UST: variants seen among roughly 807,000 people sequenced by gnomAD.
UST encodes chondroitin sulfate 2-O-sulfotransferase.
Under a neutral mutation model 45.6 loss-of-function variants are expected in UST, and 21 were observed. The ratio of observed to expected loss-of-function variants is 0.46; its 90% CI spans 0.33 to 0.66. The LOEUF is 0.66. Ranked by LOEUF, UST falls within the 30% of genes least tolerant of loss-of-function variation. The pLI is 0.02. For synonymous variants in UST, 215 were observed against 200.6 expected (o/e 1.07, Z -0.61); for missense variants, 463 against 512.4 (o/e 0.90, Z 0.93).
At chr6:149,040,371 T>C (rs774456720) in intron 7 of UST, among the ~76,000 whole-genome samples, 1 of 152,088 alleles carries the variant, frequency 6.6e-6, no homozygotes, top group African/African-American at 2.4e-5. Context: ...AAAAATAAAA[T>C]TGTAGGCCGG....
chr6:148,796,203 A>G (rs1239959816), intron 1 of UST, among the ~76,000 whole-genome samples: 3 of 152,238 alleles, frequency 2.0e-5, no homozygotes, highest in Non-Finnish European at 4.4e-5. Context: ...CAGTATATTT[A>G]TCCATACACC....
chr6:148,976,547 A>G (rs1210502046), intron 5 of UST, among the ~76,000 whole-genome samples: 9 of 152,284 alleles, frequency 5.9e-5, no homozygotes, highest in Middle Eastern at 3.4e-3. Flanking sequence ...TCCGCCCTTC[A>G]CCTGCACACC....
At chr6:148,997,799 T>C (rs1781480139) in intron 5 of UST, among the ~76,000 whole-genome samples, 1 of 152,220 alleles carries the variant, frequency 6.6e-6, no homozygotes, top group Non-Finnish European at 1.5e-5. Context: ...TACTAGGATC[T>C]TGAGAAACCG....
At chr6:148,987,584 C>T (rs762867174) in intron 5 of UST, among the ~76,000 whole-genome samples, 5 of 152,298 alleles carry the variant, frequency 3.3e-5, no homozygotes, top group Middle Eastern at 3.4e-3. Context: ...ATGAAAAGAA[C>T]GCTTGCCTTC....
At chr6:148,982,869 T>C (rs1204599820) in intron 5 of UST, among the ~76,000 whole-genome samples, 1 of 152,216 alleles carries the variant, frequency 6.6e-6, no homozygotes, top group Non-Finnish European at 1.5e-5. Flanking sequence ...TCTTCTAAAC[T>C]GGGGCAAGAT....
intron 7 of UST, among the ~76,000 whole-genome samples, chr6:149,065,889 A>G (rs1218223629): frequency 6.6e-6 from 1 of 152,200 alleles, no homozygotes; most frequent in Non-Finnish European, 1.5e-5. Context: ...AAGGTCAAAA[A>G]AGCTGTCATT....
At chr6:148,993,014 A>G in intron 5 of UST, 1 of 985,462 alleles carries the variant, frequency 1.0e-6, no homozygotes, top group Non-Finnish European at 1.2e-6. Context: ...ATTCAAGGCT[A>G]ATAACCACTT....
intron 3 of UST, among the ~76,000 whole-genome samples, chr6:148,947,359 T>A (rs1780266489): frequency 6.6e-6 from 1 of 152,232 alleles, no homozygotes; most frequent in Admixed American, 6.5e-5. Context: ...CAAAATCTGC[T>A]GGGGAGCGTT....
At chr6:148,786,301 A>G (rs1476261808) in intron 1 of UST, among the ~76,000 whole-genome samples, 1 of 152,146 alleles carries the variant, frequency 6.6e-6, no homozygotes, top group Non-Finnish European at 1.5e-5. Context: ...AACATGTCCC[A>G]TGGTGGTTTA....
intron 1 of UST, among the ~76,000 whole-genome samples, chr6:148,843,871 A>G (rs1777932857): frequency 6.6e-6 from 1 of 152,176 alleles, no homozygotes; most frequent in Non-Finnish European, 1.5e-5. Flanking sequence ...CACTTAGCAT[A>G]ATGTTCTGCA....
At chr6:148,785,751 T>C (rs1387840406) in intron 1 of UST, among the ~76,000 whole-genome samples, 1 of 152,200 alleles carries the variant, frequency 6.6e-6, no homozygotes, top group East Asian at 1.9e-4. Flanking sequence ...AACACTTGAA[T>C]AGTATAAGAT....
Position 149,023,149 on chromosome 6 carries a change from TGG to T in UST, c.937+1669_937+1670del, listed in dbSNP as rs1491114195. On this transcript the variant is annotated intron_variant, in intron 7 of 7. Coordinates refer to ENST00000367463, the MANE Select transcript of UST (RefSeq NM_005715.3). Reference sequence around the variant, plus strand: ...GTGTGTGTGTGTGTGTGTGTGTGTGTGGTGTGGTGTGGTGTGTGGTGTGTGTG... The same window carrying T: ...GTGTGTGTGTGTGTGTGTGTGTGTGTTGTGGTGTGGTGTGTGGTGTGTGTG... Among the ~76,000 whole-genome samples the T allele has an allele frequency of 1.4e-4, 19 of 135,736 alleles. No homozygotes were observed. In the South Asian group the frequency reaches 4.6e-3, roughly 33 times the overall value. 89.0% of individuals were successfully genotyped at this position (135,736 alleles called of 152,430 possible).
chr6:148,907,479 A>G (rs981152205), intron 2 of UST, among the ~76,000 whole-genome samples: 4 of 152,200 alleles, frequency 2.6e-5, no homozygotes, highest in Non-Finnish European at 5.9e-5. Context: ...TTTGACATTC[A>G]TAATTCAGAA....
At chr6:149,005,654 G>A (rs1582955330) in intron 5 of UST, 22 of 971,246 alleles carry the variant, frequency 2.3e-5, no homozygotes, top group Non-Finnish European at 2.6e-5. Flanking sequence ...TTTCTTAAAG[G>A]ACTGATTTCC....
chr6:148,841,058 C>A (rs865968210), intron 1 of UST, among the ~76,000 whole-genome samples: 1,355 of 106,770 alleles, frequency 0.013, 19 homozygotes, highest in African/African-American at 0.042. Flanking sequence ...AAAAAAAAAA[C>A]CCAACAAAAA....
At chr6:148,969,662 C>A (rs565245774) in intron 5 of UST, among the ~76,000 whole-genome samples, 1 of 152,146 alleles carries the variant, frequency 6.6e-6, no homozygotes, top group Non-Finnish European at 1.5e-5. Context: ...CCTAAAGGGG[C>A]CATTTTTCCT....
intron 5 of UST, among the ~76,000 whole-genome samples, chr6:149,017,817 C>G (rs1346837700): frequency 6.6e-6 from 1 of 151,424 alleles, no homozygotes; most frequent in African/African-American, 2.4e-5. Flanking sequence ...CACACACACA[C>G]ACACACACAC....
chr6:148,827,321 T>C (rs983336937), intron 1 of UST, among the ~76,000 whole-genome samples: 5 of 152,066 alleles, frequency 3.3e-5, no homozygotes, highest in African/African-American at 1.2e-4. Flanking sequence ...TAGCCTTTCA[T>C]TGAAAAAAGA....
chr6:148,902,615 G>C (rs1319719003), intron 2 of UST, among the ~76,000 whole-genome samples: 1 of 152,054 alleles, frequency 6.6e-6, no homozygotes, highest in Non-Finnish European at 1.5e-5. Flanking sequence ...CTGGCCTTCA[G>C]TCATCCTCCT....
Sources: gnomAD v4.1 joint callset for allele counts (sites outside exome capture counted in the v4.1 genomes callset) on GRCh38, gnomAD v4.1.1 for gene constraint, MANE v1.5 for transcripts, NCBI Gene and HGNC (gene_info 2026-07-23, HGNC 2026-07-21) for gene names.